NOS2: variants seen among roughly 807,000 people sequenced by gnomAD.
NOS2 encodes nitric oxide synthase, inducible.
Under a neutral mutation model 136.0 loss-of-function variants are expected in NOS2, and 96 were observed. The observed-to-expected ratio is 0.71, with a 90% CI of 0.60 to 0.84. NOS2 has a LOEUF of 0.84. NOS2 is among the 40% of genes least tolerant of loss of function. The pLI is 0.00. For missense variants in NOS2, 1,237 were observed against 1,496.9 expected (o/e 0.83, Z 2.87); for synonymous variants, 539 against 587.5 (o/e 0.92, Z 1.20).
chr17:27,773,132 C>A, intron 13 of NOS2, 29 bp downstream of exon 13: 1 of 1,542,996 alleles, frequency 6.5e-7, no homozygotes. Context: ...GTTCACACAT[C>A]ACTACTAGCC....
At position 27,798,718 on chromosome 17, in the gene NOS2, G is replaced by T; in HGVS notation, c.92C>A (p.Ala31Asp). 1 of 1,612,792 alleles carries T rather than the reference G, an allele frequency of 6.2e-7. No homozygotes were observed. Among genetic ancestry groups the T allele is most frequent in the Non-Finnish European group, 8.5e-7 (1 of 1,178,728 alleles). ...AACTCACCTGGAGGTGGCACAGGGG[G>T]CTTTCTCCACATTGTTGTTGATGTC... is the stretch of plus-strand genomic sequence containing the variant. ...EKDINNNVEKAPCATSSPVTQ... is the reference protein window; with the variant it reads ...EKDINNNVEKDPCATSSPVTQ... Residue 31 changes from alanine (A) to aspartate (D), a missense_variant, in exon 2 of 27, where the codon GCC becomes GAC. Ala to Asp is a moderately radical substitution (Grantham distance 126). Coordinates refer to ENST00000313735, the MANE Select transcript of NOS2 (RefSeq NM_000625.4).
Position 27,766,530 on chromosome 17 carries a change from A to C in NOS2, c.2226T>G (p.Asn742Lys), listed in dbSNP as rs773983928. 2 of 1,614,130 alleles carry C rather than the reference A, an allele frequency of 1.2e-6. No homozygotes were observed. The highest frequency in any genetic ancestry group is 1.7e-6 in the Non-Finnish European group (2 of 1,179,974). ...VFTMRLKSRQ[N>K]LQSPTSSRAT... The stretch of plus-strand genomic sequence containing the variant: ...CTTACCTGGATGTCGGACTTTGTAG[A>C]TTCTGCCGAGATTTGAGCCTCATGG... The change falls in exon 19 of 27, where the codon AAT (asparagine) becomes AAG (lysine). Residue 742 changes from asparagine to lysine, a missense_variant. By Grantham distance (94) the Asn-to-Lys change is moderately conservative. Around this residue, in one of 3 missense-constraint regions of NOS2, gnomAD observed 782 missense variants for 909.9 expected, o/e 0.86. Transcript: ENST00000313735.
At chr17:27,767,664 C>G in intron 18 of NOS2, 41 bp downstream of exon 18, 1 of 1,606,856 alleles carries the variant, frequency 6.2e-7, no homozygotes, top group Non-Finnish European at 8.5e-7. Context: ...GGCTCAGACC[C>G]CAACACAAAC....
chr17:27,787,478 C>T (rs1423044744), intron 5 of NOS2, among the ~76,000 whole-genome samples, 200 bp downstream of exon 5: 2 of 152,212 alleles, frequency 1.3e-5, no homozygotes, highest in South Asian at 2.1e-4. Flanking sequence ...CTATGTACAA[C>T]GTTATCCCAC....
intron 18 of NOS2, 141 bp downstream of exon 18, chr17:27,767,564 A>G: frequency 1.0e-6 from 1 of 983,074 alleles, no homozygotes; most frequent in Non-Finnish European, 1.5e-6. Flanking sequence ...ATTATGCCCT[A>G]ACAGGCTCTT....
In NOS2 at chr17:27,765,545, C is replaced by A; in HGVS notation, c.2418G>T (p.Leu806=). The change falls in exon 20 of 27, where the codon CTG becomes CTT. Residue 806 remains leucine (L), a synonymous_variant. Transcript: ENST00000313735. ...TAGCCCGGGGCTCACCACTCTCATC[C>A]AGGGCCTCCAGGCGCACTGTCTGGT... is the stretch of plus-strand genomic sequence containing the variant. ...TPHQTVRLEA[L]DESGSYWVSD... 1 of 1,602,390 alleles carries A rather than the reference C, an allele frequency of 6.2e-7. No individual in the cohort carries two copies.
chr17:27,787,594 A>G, intron 5 of NOS2, 84 bp downstream of exon 5: 1 of 1,060,344 alleles, frequency 9.4e-7, no homozygotes, highest in Non-Finnish European at 1.4e-6. Context: ...AAAGGGATCT[A>G]GCTAGGATCA....
intron 23 of NOS2, 146 bp downstream of exon 23, chr17:27,760,998 C>T (rs1467313170): frequency 7.0e-6 from 6 of 853,418 alleles, no homozygotes; most frequent in Admixed American, 6.0e-5. Flanking sequence ...GTCCCTGCTA[C>T]AGGCAGCCAC....
intron 7 of NOS2, among the ~76,000 whole-genome samples, chr17:27,781,672 G>A (rs897936562): frequency 6.6e-6 from 1 of 152,162 alleles, no homozygotes; most frequent in African/African-American, 2.4e-5. Context: ...TGACCTCGTT[G>A]GTTGGGAGAG....
Position 27,760,171 on chromosome 17 carries a change from C to T in NOS2, c.3018G>A (p.Arg1006=). 1 of 1,573,836 alleles carries T rather than the reference C, an allele frequency of 6.4e-7. No homozygotes were observed. Among genetic ancestry groups the T allele is most frequent in the Non-Finnish European group, 8.6e-7 (1 of 1,161,612 alleles). ...CAAACACCAAGGTCATGCGGCCTCC[C>T]CGCACTCCTGCAGGAGTCCCGGGCT... ...RLHDSQHKGV[R]GGRMTLVFGC... The change falls in exon 25 of 27, where the codon CGG becomes CGA. Residue 1006 remains arginine, a synonymous_variant. Coordinates refer to ENST00000313735, the MANE Select transcript of NOS2 (RefSeq NM_000625.4).
chr17:27,789,317 C>G (rs1440053989), intron 3 of NOS2, among the ~76,000 whole-genome samples: 1 of 152,194 alleles, frequency 6.6e-6, no homozygotes, highest in Non-Finnish European at 1.5e-5. Context: ...CCACTCCTAC[C>G]CATTTCTCTG....
At chr17:27,784,088 A>G (rs536033710) in intron 5 of NOS2, among the ~76,000 whole-genome samples, 1 of 152,042 alleles carries the variant, frequency 6.6e-6, no homozygotes, top group African/African-American at 2.4e-5. Context: ...CCAGACTTCA[A>G]AAATATCCCA....
chr17:27,764,427 C>T (rs1352172476), intron 20 of NOS2, among the ~76,000 whole-genome samples: 3 of 152,244 alleles, frequency 2.0e-5, no homozygotes, highest in African/African-American at 7.2e-5. Context: ...GCAAGACACT[C>T]ACTGGTGATC....
chr17:27,770,855 T>C, intron 15 of NOS2, 58 bp downstream of exon 15: 1 of 1,313,978 alleles, frequency 7.6e-7, no homozygotes, highest in Middle Eastern at 1.8e-4. Flanking sequence ...CCAGACCCTT[T>C]CCTGGGTCCT....
intron 5 of NOS2, among the ~76,000 whole-genome samples, chr17:27,786,080 G>A (rs1909013957): frequency 6.6e-6 from 1 of 151,470 alleles, no homozygotes; most frequent in Non-Finnish European, 1.5e-5. Flanking sequence ...GTGCAGTGCT[G>A]TGTGAGGCTC....
At chr17:27,772,129 T>C (rs542069717) in intron 14 of NOS2, among the ~76,000 whole-genome samples, 179 bp downstream of exon 14, 2 of 152,242 alleles carry the variant, frequency 1.3e-5, no homozygotes, top group Non-Finnish European at 2.9e-5. Flanking sequence ...GAAAAACTCA[T>C]CTACTGTGTA....
chr17:27,788,919 A>G lies in NOS2; in HGVS notation c.208T>C (p.Ser70Pro), dbSNP rs1909105898. Residue 70 changes from serine (S) to proline (P), a missense_variant, in exon 4 of 27, where the codon TCT (serine) becomes CCT (proline). Around this residue, in one of 3 missense-constraint regions of NOS2, gnomAD observed 440 missense variants for 545.4 expected, o/e 0.81. Transcript: ENST00000313735. ...GGGGTTGCATCCAGCTTGACCAGAG[A>G]TTCTGGAGACTTCTGCAAGGGGAAA... ...LVETGKKSPE[S>P]LVKLDATPLS... 1 of 1,613,894 alleles carries G rather than the reference A, an allele frequency of 6.2e-7. No individual in the cohort carries two copies. The highest frequency in any genetic ancestry group is 1.7e-5 in the Admixed American group (1 of 60,008).
At chr17:27,789,148 C>T in intron 3 of NOS2, among the ~76,000 whole-genome samples, 1 of 152,314 alleles carries the variant, frequency 6.6e-6, no homozygotes, top group East Asian at 1.9e-4. Context: ...CACCCAGGGC[C>T]TTGCCAAATG....
chr17:27,759,989 T>C, intron 25 of NOS2, 41 bp downstream of exon 25: 2 of 1,458,136 alleles, frequency 1.4e-6, no homozygotes, highest in Non-Finnish European at 1.8e-6. Context: ...ACAGTGGAGC[T>C]TGTGTGTGTA....
Sources: gnomAD v4.1 joint callset for allele counts (sites outside exome capture counted in the v4.1 genomes callset) on GRCh38, gnomAD v4.1.1 for gene constraint, gnomAD v4.1.1 regional missense constraint, MANE v1.5 for transcripts, NCBI Gene and HGNC (gene_info 2026-07-23, HGNC 2026-07-21) for gene names.